PRKAR2A: variants seen among roughly 807,000 people sequenced by gnomAD.
The protein encoded by PRKAR2A is protein kinase cAMP-dependent type II regulatory subunit alpha.
In PRKAR2A, 29 loss-of-function variants were observed where a neutral mutation model predicts 51.9. The ratio of observed to expected loss-of-function variants is 0.56; its 90% CI spans 0.42 to 0.76. PRKAR2A has a LOEUF of 0.76. Among genes scored for constraint, PRKAR2A ranks in the 30% least tolerant of loss-of-function variants. The pLI, the probability that PRKAR2A is intolerant of heterozygous loss-of-function variation, is 0.00. For synonymous variants in PRKAR2A, 178 were observed against 186.2 expected, an observed-to-expected ratio of 0.96 and a Z score of 0.36; for missense variants, 445 against 512.1, an observed-to-expected ratio of 0.87 and a Z score of 1.26.
At chr3:48,827,337 G>C (rs774807639) in intron 1 of PRKAR2A, among the ~76,000 whole-genome samples, 8 of 134,400 alleles carry the variant, frequency 6.0e-5, no homozygotes, top group Non-Finnish European at 1.1e-4. Context: ...CTGAGTTTAA[G>C]ATGAAAAAAA....
intron 1 of PRKAR2A, among the ~76,000 whole-genome samples, chr3:48,843,472 T>C (rs927973539): frequency 6.6e-5 from 10 of 152,050 alleles, no homozygotes; most frequent in Admixed American, 3.3e-4. Flanking sequence ...CTTCACAAAA[T>C]TGGAAAAAAC....
chr3:48,836,419 TAAA>T (rs548970318), intron 1 of PRKAR2A, among the ~76,000 whole-genome samples: 18 of 56,086 alleles, frequency 3.2e-4, no homozygotes, highest in Middle Eastern at 9.8e-3. Flanking sequence ...AGACTCCGTC[TAAA>T]AAAAAAAAAA....
intron 1 of PRKAR2A, among the ~76,000 whole-genome samples, chr3:48,840,092 T>C (rs1232533788): frequency 6.6e-6 from 1 of 151,862 alleles, no homozygotes; most frequent in Non-Finnish European, 1.5e-5. Flanking sequence ...GCTACTCTGG[T>C]TACCTTCTGT....
At chr3:48,813,232 C>CA (rs35033928) in intron 1 of PRKAR2A, among the ~76,000 whole-genome samples, 4,963 of 80,274 alleles carry the variant, frequency 0.062, 128 homozygotes, top group Middle Eastern at 0.15. Flanking sequence ...CTATCTCTAC[C>CA]AAAAAAAAAA....
intron 1 of PRKAR2A, among the ~76,000 whole-genome samples, chr3:48,836,848 G>T: frequency 6.6e-6 from 1 of 151,582 alleles, no homozygotes; most frequent in East Asian, 1.9e-4. Context: ...TAGTTAGCCA[G>T]AGGCCAGGCA....
At chr3:48,836,814 TAA>T (rs76623272) in intron 1 of PRKAR2A, among the ~76,000 whole-genome samples, 1 of 132,104 alleles carries the variant, frequency 7.6e-6, no homozygotes, top group Non-Finnish European at 1.6e-5. Flanking sequence ...CAATCTCTAC[TAA>T]AAAAAAAAAA....
intron 1 of PRKAR2A, among the ~76,000 whole-genome samples, chr3:48,828,100 A>G (rs1046699703): frequency 6.6e-6 from 1 of 152,198 alleles, no homozygotes; most frequent in Non-Finnish European, 1.5e-5. Context: ...TCCTGAGCTC[A>G]GGCGATCCAC....
intron 1 of PRKAR2A, among the ~76,000 whole-genome samples, chr3:48,815,641 C>T (rs989344031): frequency 1.3e-5 from 2 of 149,544 alleles, no homozygotes; most frequent in African/African-American, 4.9e-5. Context: ...CACAGTAAGC[C>T]GAGATCGCGC....
chr3:48,772,273 G>A (rs1341239568), intron 6 of PRKAR2A, among the ~76,000 whole-genome samples: 1 of 152,216 alleles, frequency 6.6e-6, no homozygotes, highest in East Asian at 1.9e-4. Flanking sequence ...TTGAGATGGA[G>A]TCTTGCTCAG....
At chr3:48,841,060 T>A (rs574996875) in intron 1 of PRKAR2A, among the ~76,000 whole-genome samples, 16 of 149,174 alleles carry the variant, frequency 1.1e-4, no homozygotes, top group African/African-American at 1.7e-4. Flanking sequence ...TTTTTTTTTT[T>A]AATTTAGTAG....
At chr3:48,823,802 A>G (rs2083010953) in intron 1 of PRKAR2A, among the ~76,000 whole-genome samples, 2 of 151,438 alleles carry the variant, frequency 1.3e-5, no homozygotes, top group Non-Finnish European at 2.9e-5. Flanking sequence ...AAAAAAAAAA[A>G]GAAAAAAAAT....
intron 2 of PRKAR2A, among the ~76,000 whole-genome samples, chr3:48,802,159 C>T (rs895132006): frequency 2.0e-5 from 3 of 152,050 alleles, no homozygotes; most frequent in South Asian, 2.1e-4. Flanking sequence ...TCCACTGTCT[C>T]GGCCTCCCAA....
intron 1 of PRKAR2A, among the ~76,000 whole-genome samples, chr3:48,833,971 G>A (rs2083237073): frequency 6.7e-6 from 1 of 150,202 alleles, no homozygotes; most frequent in Non-Finnish European, 1.5e-5. Flanking sequence ...CGGGAGACAG[G>A]TTGTAGTGAG....
chr3:48,746,731 G>C lies in PRKAR2A; in HGVS notation c.*4854C>G, dbSNP rs2081566868. 1 of 152,084 alleles carries C rather than the reference G, an allele frequency of 6.6e-6. No homozygotes were observed. Among genetic ancestry groups the C allele is most frequent in the Non-Finnish European group, 1.5e-5 (1 of 68,032 alleles). 9.4% of individuals were successfully genotyped at this position (152,084 alleles called of 1,614,324 possible). A position where few individuals can be genotyped will look rare whatever the true frequency, so the allele number is the denominator to read the frequency against. ...TTATATGTTTAACACCACAGAGCAA[G>C]AATTGATCACGTTTCAATCACTTAT... On this transcript the variant is annotated 3_prime_UTR_variant, in exon 11 of 11. Coordinates refer to ENST00000265563, the MANE Select transcript of PRKAR2A (RefSeq NM_004157.4).
At chr3:48,816,006 G>C (rs1322602588) in intron 1 of PRKAR2A, among the ~76,000 whole-genome samples, 1 of 135,028 alleles carries the variant, frequency 7.4e-6, no homozygotes. Flanking sequence ...GTGACAGTGC[G>C]AGACTCCATC....
chr3:48,823,629 T>C (rs2083006578), intron 1 of PRKAR2A, among the ~76,000 whole-genome samples: 1 of 151,416 alleles, frequency 6.6e-6, no homozygotes, highest in Non-Finnish European at 1.5e-5. Context: ...AAAAAAATTT[T>C]TTTTTAATTA....
intron 8 of PRKAR2A, among the ~76,000 whole-genome samples, chr3:48,764,118 C>A (rs902781943): frequency 7.9e-5 from 12 of 152,172 alleles, no homozygotes; most frequent in Non-Finnish European, 1.5e-4. Flanking sequence ...CCAACCTAGA[C>A]CAACCATGTA....
rs974133074 is a variant in PRKAR2A, at chr3:48,815,531, C to T, written c.263-7847G>A. Reference sequence around the variant, plus strand: ...CTAACAGGGTGAAACCCCGTCTCTACTAAAAATACAAGAAATTAGCCAGGC... The same window carrying T: ...CTAACAGGGTGAAACCCCGTCTCTATTAAAAATACAAGAAATTAGCCAGGC... On this transcript the variant is annotated intron_variant, in intron 1 of 10. Transcript: ENST00000265563. Among the ~76,000 whole-genome samples the T allele has an allele frequency of 5.9e-5, 9 of 151,274 alleles. No homozygotes were observed. In the South Asian group the frequency reaches 1.9e-3, roughly 31 times the overall value.
rs571781693 is a variant in PRKAR2A, at chr3:48,825,311, A to G, written c.263-17627T>C. On this transcript the variant is annotated intron_variant, in intron 1 of 10. Coordinates refer to ENST00000265563, the MANE Select transcript of PRKAR2A (RefSeq NM_004157.4). ...GCATGAGGCCACCACACCCGGCCTG[A>G]TTTTCTTTTTCTAAGAAACAGTCTT... is the stretch of plus-strand genomic sequence containing the variant. Among the ~76,000 whole-genome samples the G allele has an allele frequency of 4.9e-4, 73 of 149,034 alleles. 2 individuals carry two copies. The South Asian group carries it at 0.015, about 32-fold the overall frequency.
Sources: allele counts gnomAD v4.1 joint callset (sites outside exome capture counted in the v4.1 genomes callset), GRCh38; gene constraint gnomAD v4.1.1; transcripts MANE v1.5; gene names NCBI Gene and HGNC (gene_info 2026-07-23, HGNC 2026-07-21).